Variants in POFUT3 observed in about 807,000 individuals in gnomAD.
POFUT3 encodes protein O-fucosyltransferase 3.
At chr8:33,455,391 GC>G in the POFUT3 span, among the ~76,000 whole-genome samples, 1 of 152,102 alleles carries the variant, frequency 6.6e-6, no homozygotes, top group Non-Finnish European at 1.5e-5. Context: ...GAGCACAGTG[GC>G]ATACACCTAT....
chr8:33,340,126 T>A, the POFUT3 span, among the ~76,000 whole-genome samples: 1 of 152,106 alleles, frequency 6.6e-6, no homozygotes, highest in Non-Finnish European at 1.5e-5. Context: ...GGAGACATGG[T>A]TTCTATATCT....
At chr8:33,389,029 A>G in the POFUT3 span, 1 of 1,614,104 alleles carries the variant, frequency 6.2e-7, no homozygotes, top group Non-Finnish European at 8.5e-7. Flanking sequence ...CATCGATGTA[A>G]TTGTCCTGGT....
the POFUT3 span, among the ~76,000 whole-genome samples, chr8:33,308,367 CT>C: frequency 6.6e-6 from 1 of 152,194 alleles, no homozygotes; most frequent in Admixed American, 6.6e-5. Context: ...AGTTCCAGTC[CT>C]ATTCTGTCTC....
chr8:33,407,740 C>T, the POFUT3 span, among the ~76,000 whole-genome samples: 9 of 152,050 alleles, frequency 5.9e-5, no homozygotes, highest in African/African-American at 1.2e-4. Flanking sequence ...CAGTGGCTCA[C>T]GCCTGTAATC....
At chr8:33,379,236 T>C in the POFUT3 span, among the ~76,000 whole-genome samples, 5,944 of 152,072 alleles carry the variant, frequency 0.039, 163 homozygotes, top group Middle Eastern at 0.095. Context: ...CCAGTCTTGG[T>C]TGGTTCTTTA....
At chr8:33,414,773 C>T in the POFUT3 span, among the ~76,000 whole-genome samples, 1 of 152,082 alleles carries the variant, frequency 6.6e-6, no homozygotes, top group Non-Finnish European at 1.5e-5. Flanking sequence ...CCAAACAACA[C>T]ACTGCCTTAT....
chr8:33,380,796 C>G, the POFUT3 span, among the ~76,000 whole-genome samples: 1 of 148,608 alleles, frequency 6.7e-6, no homozygotes, highest in Non-Finnish European at 1.5e-5. Flanking sequence ...ATGATTGCAC[C>G]ACTGCACTCC....
At chr8:33,378,517 G>C in the POFUT3 span, among the ~76,000 whole-genome samples, 1 of 152,126 alleles carries the variant, frequency 6.6e-6, no homozygotes, top group Non-Finnish European at 1.5e-5. Flanking sequence ...CACTGGAAAA[G>C]CTTCACCCCT....
At chr8:33,322,353 C>G in the POFUT3 span, among the ~76,000 whole-genome samples, 1 of 152,176 alleles carries the variant, frequency 6.6e-6, no homozygotes, top group Non-Finnish European at 1.5e-5. Context: ...GATGCACCAG[C>G]CTTGAGCTTA....
the POFUT3 span, among the ~76,000 whole-genome samples, chr8:33,339,821 CA>C: frequency 2.0e-5 from 3 of 152,172 alleles, no homozygotes; most frequent in South Asian, 6.2e-4. Context: ...CTATATCCAA[CA>C]AAAATATTCT....
chr8:33,414,084 T>G, the POFUT3 span, among the ~76,000 whole-genome samples: 3 of 152,132 alleles, frequency 2.0e-5, no homozygotes, highest in African/African-American at 7.2e-5. Context: ...CTAAGGAAAC[T>G]TATTTCCAAA....
chr8:33,463,184 A>C, the POFUT3 span, among the ~76,000 whole-genome samples: 1 of 152,018 alleles, frequency 6.6e-6, no homozygotes, highest in East Asian at 1.9e-4. Flanking sequence ...AATAATATAG[A>C]ATCCTGGTTA....
At chr8:33,343,717 C>T in the POFUT3 span, among the ~76,000 whole-genome samples, 1 of 152,170 alleles carries the variant, frequency 6.6e-6, no homozygotes, top group Non-Finnish European at 1.5e-5. Flanking sequence ...TTACAAACAG[C>T]TTCTTGATGC....
chr8:33,356,987 T>C, the POFUT3 span, among the ~76,000 whole-genome samples: 3 of 152,156 alleles, frequency 2.0e-5, no homozygotes, highest in South Asian at 2.1e-4. Context: ...GTTGTAGATA[T>C]GCAGTGTTAT....
the POFUT3 span, among the ~76,000 whole-genome samples, chr8:33,360,363 T>A: frequency 6.6e-6 from 1 of 151,646 alleles, no homozygotes; most frequent in Non-Finnish European, 1.5e-5. Context: ...GGAGAATCAC[T>A]TGAACCCAGG....
At chr8:33,406,074 G>A in the POFUT3 span, among the ~76,000 whole-genome samples, 1 of 152,102 alleles carries the variant, frequency 6.6e-6, no homozygotes, top group African/African-American at 2.4e-5. Context: ...TCGCACATAT[G>A]AGGAGAGACA....
At chr8:33,346,802 A>C in the POFUT3 span, among the ~76,000 whole-genome samples, 2 of 152,180 alleles carry the variant, frequency 1.3e-5, no homozygotes, top group Non-Finnish European at 2.9e-5. Flanking sequence ...ATCTGGGCTT[A>C]TTCTAAGGCA....
the POFUT3 span, among the ~76,000 whole-genome samples, chr8:33,363,705 C>A: frequency 6.6e-6 from 1 of 152,142 alleles, no homozygotes; most frequent in Non-Finnish European, 1.5e-5. Context: ...ATACACCCTC[C>A]CAAGACTAAA....
the POFUT3 span, among the ~76,000 whole-genome samples, chr8:33,349,291 A>AT: frequency 7.9e-5 from 12 of 152,164 alleles, no homozygotes; most frequent in East Asian, 5.8e-4. Context: ...CCTTAAAAAA[A>AT]TTTTTTTTGA....
Sources: gnomAD v4.1 joint callset for allele counts (sites outside exome capture counted in the v4.1 genomes callset) on GRCh38, gnomAD v4.1.1 for gene constraint, MANE v1.5 for transcripts, NCBI Gene and HGNC (gene_info 2026-07-23, HGNC 2026-07-21) for gene names.